The following ABCA13 variants were observed in gnomAD, a reference collection of about 807,000 sequenced individuals.
The protein encoded by ABCA13 is ATP-binding cassette sub-family A member 13.
In ABCA13, 476 loss-of-function variants were observed where a neutral mutation model predicts 478.7. The observed-to-expected ratio is 0.99, with a 90% confidence interval of 0.92 to 1.07. The LOEUF is 1.07. ABCA13 is among the 50% of genes least tolerant of loss of function. The pLI is 0.00. For synonymous variants in ABCA13, 2,252 were observed against 2,158.9 expected, an observed-to-expected ratio of 1.04 and a Z score of -1.20; for missense variants, 6,060 against 5,910.6, an observed-to-expected ratio of 1.03 and a Z score of -0.83.
intron 42 of ABCA13, among the ~76,000 whole-genome samples, chr7:48,453,600 G>T (rs1487393842): frequency 2.0e-5 from 3 of 152,122 alleles, no homozygotes; most frequent in African/African-American, 4.8e-5. Context: ...AGAATGCCAG[G>T]CCTATTTATA....
At chr7:48,330,250 C>T (rs1201551153) in intron 27 of ABCA13, among the ~76,000 whole-genome samples, 1 of 151,426 alleles carries the variant, frequency 6.6e-6, no homozygotes, top group African/African-American at 2.4e-5. Context: ...TCCATTCATC[C>T]ATGTATTCAT....
In ABCA13 at chr7:48,503,905, A is replaced by T. The variant is rs184225981; in HGVS notation, c.13292-2431A>T. On this transcript the variant is annotated intron_variant, in intron 48 of 61. Coordinates refer to ENST00000435803, the MANE Select transcript of ABCA13 (RefSeq NM_152701.5). Reference sequence around the variant, plus strand: ...TTCCATAAGGGCTGTACTAATTTACATTCCCACCAGCAGGATAAAAATTGT... The same window carrying T: ...TTCCATAAGGGCTGTACTAATTTACTTTCCCACCAGCAGGATAAAAATTGT... 7.2e-4 allele frequency among the ~76,000 whole-genome samples: 110 copies of T among 152,328 alleles called. 1 individual carries two copies. Among genetic ancestry groups the T allele is most frequent in the African/African-American group, 2.6e-3 (108 of 41,570 alleles).
chr7:48,326,850 AGGAGCT>A (rs1193955478), intron 27 of ABCA13, among the ~76,000 whole-genome samples: 2 of 152,204 alleles, frequency 1.3e-5, no homozygotes, highest in Non-Finnish European at 1.5e-5. Flanking sequence ...TTCCTATGGA[AGGAGCT>A]GGCCTTAAGC....
In ABCA13 at chr7:48,565,400, A is replaced by C. The variant is rs544927605; in HGVS notation, c.14355-14824A>C. ...CAAAGGAATAAAATGAATAAAAATCATTACTGAAGTCCCGAAATGAATGAC... is the reference window on the plus strand; with the variant it reads ...CAAAGGAATAAAATGAATAAAAATCCTTACTGAAGTCCCGAAATGAATGAC... On this transcript the variant is annotated intron_variant, in intron 55 of 61. Coordinates refer to ENST00000435803, the MANE Select transcript of ABCA13 (RefSeq NM_152701.5). 2.6e-5 allele frequency among the ~76,000 whole-genome samples: 4 copies of C among 152,254 alleles called. 1 individual carries two copies. The highest frequency in any genetic ancestry group is 9.6e-5 in the African/African-American group (4 of 41,568).
chr7:48,382,477 C>G (rs184107562), intron 35 of ABCA13, among the ~76,000 whole-genome samples: 78 of 152,246 alleles, frequency 5.1e-4, no homozygotes, highest in African/African-American at 1.8e-3. Flanking sequence ...CCCAGCACAC[C>G]CACACAGGGT....
At chr7:48,439,093 A>G (rs1165095548) in intron 42 of ABCA13, among the ~76,000 whole-genome samples, 1 of 152,190 alleles carries the variant, frequency 6.6e-6, no homozygotes, top group Non-Finnish European at 1.5e-5. Context: ...TCAACAGAAC[A>G]GATTAAAACA....
intron 20 of ABCA13, among the ~76,000 whole-genome samples, chr7:48,295,078 C>T (rs1187962626): frequency 6.6e-6 from 1 of 152,132 alleles, no homozygotes; most frequent in Non-Finnish European, 1.5e-5. Context: ...ATGGTAGTTC[C>T]ATTTTTAATA....
chr7:48,267,828 A>G (rs1464197209), intron 15 of ABCA13, among the ~76,000 whole-genome samples: 3 of 152,092 alleles, frequency 2.0e-5, no homozygotes, highest in African/African-American at 4.8e-5. Context: ...GCTTCTTTAC[A>G]TGCCTGCTAA....
intron 39 of ABCA13, among the ~76,000 whole-genome samples, chr7:48,407,377 G>A (rs954671971): frequency 4.6e-5 from 7 of 151,404 alleles, no homozygotes; most frequent in Non-Finnish European, 1.0e-4. Flanking sequence ...TTGGGAGGCT[G>A]AGACATGAGA....
intron 48 of ABCA13, among the ~76,000 whole-genome samples, chr7:48,503,512 C>T (rs1830936128): frequency 6.6e-6 from 1 of 152,172 alleles, no homozygotes; most frequent in Non-Finnish European, 1.5e-5. Context: ...TTTAAAAGTT[C>T]CACACATAAA....
intron 27 of ABCA13, among the ~76,000 whole-genome samples, chr7:48,324,926 A>C (rs965384357): frequency 6.6e-6 from 1 of 152,230 alleles, no homozygotes; most frequent in East Asian, 1.9e-4. Flanking sequence ...TTGCAAAGCC[A>C]TTTGGAGGAG....
intron 3 of ABCA13, among the ~76,000 whole-genome samples, chr7:48,203,367 T>G (rs1044813838): frequency 4.6e-5 from 7 of 152,204 alleles, no homozygotes; most frequent in Non-Finnish European, 8.8e-5. Flanking sequence ...ACTCCCACAG[T>G]GCAGTGGTGG....
chr7:48,216,073 A>G (rs1267993663), intron 3 of ABCA13, among the ~76,000 whole-genome samples: 1 of 152,164 alleles, frequency 6.6e-6, no homozygotes, highest in African/African-American at 2.4e-5. Flanking sequence ...TGGAATATTC[A>G]TGTGCAAGTT....
chr7:48,346,644 T>C (rs1808152347), intron 29 of ABCA13, among the ~76,000 whole-genome samples: 1 of 152,228 alleles, frequency 6.6e-6, no homozygotes, highest in Non-Finnish European at 1.5e-5. Context: ...AGCTGTTACA[T>C]GATAATAGTT....
chr7:48,529,777 A>G (rs1833102738), intron 55 of ABCA13, among the ~76,000 whole-genome samples: 1 of 152,126 alleles, frequency 6.6e-6, no homozygotes, highest in African/African-American at 2.4e-5. Flanking sequence ...TTTTTTTACA[A>G]TCACTTGCTA....
intron 1 of ABCA13, among the ~76,000 whole-genome samples, chr7:48,187,187 T>C (rs1796476116): frequency 2.0e-5 from 3 of 151,044 alleles, no homozygotes; most frequent in Non-Finnish European, 4.4e-5. Context: ...CTTTGTAAAT[T>C]GATGCATTGG....
At chr7:48,574,165 A>C (rs1255954505) in intron 55 of ABCA13, among the ~76,000 whole-genome samples, 1 of 152,100 alleles carries the variant, frequency 6.6e-6, no homozygotes, top group Admixed American at 6.6e-5. Flanking sequence ...ACAACTGATA[A>C]ATTTTGATTA....
At chr7:48,363,571 C>T (rs1221506441) in intron 31 of ABCA13, among the ~76,000 whole-genome samples, 3 of 151,950 alleles carry the variant, frequency 2.0e-5, no homozygotes, top group Non-Finnish European at 2.9e-5. Context: ...TAATTGCCTG[C>T]GTTTCTTTTC....
chr7:48,245,277 A>AG (rs1171699867), intron 11 of ABCA13, among the ~76,000 whole-genome samples: 1 of 152,148 alleles, frequency 6.6e-6, no homozygotes, highest in African/African-American at 2.4e-5. Flanking sequence ...GGAAAAAGTG[A>AG]GGGGGGATGT....
Sources: allele counts gnomAD v4.1 joint callset (sites outside exome capture counted in the v4.1 genomes callset), GRCh38; gene constraint gnomAD v4.1.1; transcripts MANE v1.5; gene names NCBI Gene and HGNC (gene_info 2026-07-23, HGNC 2026-07-21).